Variants in TAFA1 observed in about 807,000 individuals in gnomAD.
TAFA1 encodes the protein TAFA chemokine like family member 1.
TAFA1 carries 4 observed loss-of-function variants against 18.5 expected under a neutral mutation model. The observed-to-expected ratio is 0.22, with a 90% confidence interval of 0.11 to 0.49. The LOEUF is 0.49. Among genes scored for constraint, TAFA1 ranks in the 20% least tolerant of loss-of-function variants. TAFA1 has a pLI of 0.98. For missense variants in TAFA1, 147 were observed against 169.0 expected (o/e 0.87, Z 0.72); for synonymous variants, 56 against 55.2 (o/e 1.01, Z -0.06).
intron 2 of TAFA1, among the ~76,000 whole-genome samples, chr3:68,209,375 A>T (rs929524837): frequency 6.6e-6 from 1 of 152,092 alleles, no homozygotes; most frequent in Non-Finnish European, 1.5e-5. Context: ...CTAACCTTCC[A>T]TGCAGAATAT....
At chr3:67,993,534 G>A in the TAFA1 span, among the ~76,000 whole-genome samples, 66 of 152,220 alleles carry the variant, frequency 4.3e-4, no homozygotes, top group African/African-American at 1.4e-3. Context: ...ATCCAAATTC[G>A]TCTCTGTAAT....
the TAFA1 span, among the ~76,000 whole-genome samples, chr3:67,998,068 A>C: frequency 1.6e-4 from 24 of 152,144 alleles, 2 homozygotes; most frequent in South Asian, 4.1e-4. Flanking sequence ...AACAAAAAAA[A>C]CCATATATTA....
chr3:68,043,361 A>G (rs1705206310), intron 2 of TAFA1, among the ~76,000 whole-genome samples: 1 of 152,154 alleles, frequency 6.6e-6, no homozygotes, highest in South Asian at 2.1e-4. Context: ...ATAATTTATT[A>G]TTTTTGTTCT....
At chr3:68,509,974 T>G (rs924774656) in intron 3 of TAFA1, among the ~76,000 whole-genome samples, 2 of 152,122 alleles carry the variant, frequency 1.3e-5, no homozygotes, top group African/African-American at 2.4e-5. Context: ...TCATGTTATA[T>G]GTAACTTCCC....
intron 3 of TAFA1, among the ~76,000 whole-genome samples, chr3:68,529,348 A>G (rs1412596625): frequency 2.7e-5 from 4 of 146,264 alleles, no homozygotes; most frequent in Non-Finnish European, 4.5e-5. Flanking sequence ...TTCTTCTTCC[A>G]TCTTACACAC....
At chr3:68,294,195 C>T (rs1049718020) in intron 2 of TAFA1, among the ~76,000 whole-genome samples, 14 of 152,042 alleles carry the variant, frequency 9.2e-5, no homozygotes, top group Admixed American at 2.0e-4. Context: ...GTCAAGGAAT[C>T]GAAAGGACAG....
intron 3 of TAFA1, among the ~76,000 whole-genome samples, chr3:68,442,501 G>T (rs931201672): frequency 6.6e-6 from 1 of 152,098 alleles, no homozygotes; most frequent in Admixed American, 6.6e-5. Context: ...TTAAGTTTTA[G>T]CATGAGTTTT....
chr3:68,509,691 C>G (rs1220096466), intron 3 of TAFA1, among the ~76,000 whole-genome samples: 1 of 151,996 alleles, frequency 6.6e-6, no homozygotes, highest in Non-Finnish European at 1.5e-5. Flanking sequence ...CCAGCCATTA[C>G]CAGCTATGTA....
chr3:67,998,912 T>C, the TAFA1 span, among the ~76,000 whole-genome samples: 2 of 152,214 alleles, frequency 1.3e-5, no homozygotes, highest in South Asian at 4.1e-4. Context: ...TTTCTGTTAA[T>C]TGTAACCAAA....
At chr3:68,359,900 A>T (rs999648773) in intron 2 of TAFA1, among the ~76,000 whole-genome samples, 2 of 152,028 alleles carry the variant, frequency 1.3e-5, no homozygotes, top group Non-Finnish European at 2.9e-5. Flanking sequence ...GGACCTTGAT[A>T]TGAGACATAT....
chr3:68,055,334 CTTTG>C (rs2064520933), intron 2 of TAFA1, among the ~76,000 whole-genome samples: 1 of 152,160 alleles, frequency 6.6e-6, no homozygotes, highest in African/African-American at 2.4e-5. Flanking sequence ...TGGTTTGATT[CTTTG>C]TTTGCCTTGT....
At chr3:68,276,428 C>G (rs904023466) in intron 2 of TAFA1, among the ~76,000 whole-genome samples, 1 of 152,130 alleles carries the variant, frequency 6.6e-6, no homozygotes, top group Non-Finnish European at 1.5e-5. Context: ...ATTGAGAACA[C>G]TGGTATGAAA....
rs138909091 is a variant in TAFA1 at position 68,425,477 on chromosome 3, G to C, written c.259+8057G>C. 8.2e-4 allele frequency among the ~76,000 whole-genome samples: 125 copies of C among 152,050 alleles called. 1 individual carries two copies. In the East Asian group the frequency reaches 0.023, roughly 28 times the overall value. On this transcript the variant is annotated intron_variant, in intron 3 of 4. Transcript: ENST00000478136. Reference sequence around the variant, plus strand: ...GAGGATCTTGCATAACATCTTTAGTGAAGTGATGGCATTTTCAGGCATGCT... The same window carrying C: ...GAGGATCTTGCATAACATCTTTAGTCAAGTGATGGCATTTTCAGGCATGCT...
chr3:68,041,884 TC>T (rs1705172682), intron 2 of TAFA1, among the ~76,000 whole-genome samples: 1 of 152,198 alleles, frequency 6.6e-6, no homozygotes, highest in South Asian at 2.1e-4. Flanking sequence ...CTATCTGAGC[TC>T]TTGGTTCTTC....
At chr3:68,010,781 G>A (rs908556054) in intron 2 of TAFA1, among the ~76,000 whole-genome samples, 1 of 152,068 alleles carries the variant, frequency 6.6e-6, no homozygotes, top group South Asian at 2.1e-4. Flanking sequence ...ATATTTGGCT[G>A]GATCAAGTTT....
At position 68,387,572 on chromosome 3, in the gene TAFA1, C is replaced by G. The variant is rs2106697637; in HGVS notation, c.119-29708C>G. 2.0e-5 allele frequency among the ~76,000 whole-genome samples: 3 copies of G among 152,124 alleles called. No individual in the cohort carries two copies. In the South Asian group the frequency reaches 6.2e-4, roughly 32 times the overall value. ...GCATTTACTAGTAAATAACTCTGAGCCAGACATTATGATGGGTGCTGGGGA... is the reference window on the plus strand; with the variant it reads ...GCATTTACTAGTAAATAACTCTGAGGCAGACATTATGATGGGTGCTGGGGA... On this transcript the variant is annotated intron_variant, in intron 2 of 4. Coordinates refer to ENST00000478136, the MANE Select transcript of TAFA1 (RefSeq NM_213609.4).
chr3:68,005,290 G>C (rs148914581), intron 1 of TAFA1, among the ~76,000 whole-genome samples: 1 of 152,328 alleles, frequency 6.6e-6, no homozygotes, highest in Non-Finnish European at 1.5e-5. Flanking sequence ...ACAGTGGGCA[G>C]TGAAACTAAT....
intron 3 of TAFA1, among the ~76,000 whole-genome samples, chr3:68,524,913 C>T (rs537639537): frequency 5.9e-5 from 9 of 152,234 alleles, no homozygotes; most frequent in Non-Finnish European, 1.0e-4. Context: ...CCTCGTGATC[C>T]GCCCACCTCA....
chr3:68,070,127 T>C (rs1386564351), intron 2 of TAFA1, among the ~76,000 whole-genome samples: 2 of 152,168 alleles, frequency 1.3e-5, no homozygotes, highest in Non-Finnish European at 2.9e-5. Context: ...TACATTTCCT[T>C]CCACACTGCA....
Sources: allele counts gnomAD v4.1 joint callset (sites outside exome capture counted in the v4.1 genomes callset), GRCh38; gene constraint gnomAD v4.1.1; transcripts MANE v1.5; gene names NCBI Gene and HGNC (gene_info 2026-07-23, HGNC 2026-07-21).